The following FMN1 variants were observed in gnomAD, a reference collection of about 807,000 sequenced individuals.
FMN1 encodes formin-1.
A neutral mutation model predicts 132.4 loss-of-function variants in FMN1; 110 were observed. That is an observed-to-expected ratio of 0.83 (90% confidence interval 0.71 to 0.97). The LOEUF (loss-of-function observed/expected upper bound fraction) is 0.97, where lower values mean the gene tolerates loss of function less well. FMN1 is among the 50% of genes least tolerant of loss of function. The pLI, the probability that FMN1 is intolerant of heterozygous loss-of-function variation, is 0.00. For missense variants in FMN1, 1,792 were observed against 1,705.3 expected, an observed-to-expected ratio of 1.05 and a Z score of -0.90; for synonymous variants, 722 against 651.7, an observed-to-expected ratio of 1.11 and a Z score of -1.64.
intron 9 of FMN1, among the ~76,000 whole-genome samples, chr15:32,961,208 A>G (rs2030498376): frequency 1.3e-5 from 2 of 149,754 alleles, no homozygotes; most frequent in African/African-American, 4.9e-5. Flanking sequence ...ATCTCAGCTC[A>G]CTGCAACCTC....
chr15:33,154,874 A>C lies in FMN1; in HGVS notation c.41T>G (p.Ile14Ser), dbSNP rs1964609442. 6.5e-7 allele frequency: 1 copy of C among 1,536,050 alleles called. No homozygotes were observed. Residue 14 changes from isoleucine to serine, a missense_variant, in exon 4 of 21, where the codon ATT becomes AGT. This residue lies in a region of FMN1 where 638 missense variants were observed against 645.2 expected (regional missense o/e 0.99). Coordinates refer to ENST00000616417, the MANE Select transcript of FMN1 (RefSeq NM_001277313.2). ...GAAGCTGATGTAGCAGAGTTCCGTA[A>C]TGGGCTTATGCAATTGGAGGGTACA... is the stretch of plus-strand genomic sequence containing the variant. The part of the protein sequence containing the change: ...THCTLQLHKP[I>S]TELCYISFCL...
intron 19 of FMN1, among the ~76,000 whole-genome samples, chr15:32,781,174 TTCTTCAAAAAA>T (rs1452379251): frequency 6.6e-6 from 1 of 152,228 alleles, no homozygotes; most frequent in Non-Finnish European, 1.5e-5. Flanking sequence ...TTTTTAAAAT[TTCTTCAAAAAA>T]TCTTCAAAAT....
At chr15:33,081,756 T>C (rs1476267113) in intron 5 of FMN1, among the ~76,000 whole-genome samples, 3 of 152,206 alleles carry the variant, frequency 2.0e-5, no homozygotes, top group African/African-American at 4.8e-5. Flanking sequence ...TTGTACAGTA[T>C]GTATACTAAC....
chr15:33,153,715 G>A lies in FMN1; in HGVS notation c.1200C>T (p.Ala400=), dbSNP rs1001386062. Residue 400 remains alanine, a synonymous_variant, in exon 4 of 21, where the codon GCC becomes GCT. Coordinates refer to ENST00000616417, the MANE Select transcript of FMN1 (RefSeq NM_001277313.2). ...CACTAGAAATGGAGGCTGTTTCCCC[G>A]GCTGGCGACTGCGATGACCTATCCC... ...RQGDRSSQSP[A]GETASISSVS... 9.8e-6 allele frequency: 15 copies of A among 1,536,118 alleles called. No individual in the cohort carries two copies. The highest frequency in any genetic ancestry group is 3.3e-4 in the Middle Eastern group (2 of 6,014).
intron 4 of FMN1, among the ~76,000 whole-genome samples, chr15:33,115,496 C>A (rs140674936): frequency 0.34 from 48,046 of 141,620 alleles, 9,037 homozygotes; most frequent in South Asian, 0.44. Context: ...CTTAAGCCCC[C>A]CCCCCCCACA....
chr15:33,124,186 G>A (rs1962832735), intron 4 of FMN1, among the ~76,000 whole-genome samples: 1 of 152,314 alleles, frequency 6.6e-6, no homozygotes, highest in South Asian at 2.1e-4. Flanking sequence ...TGCAAAGGGT[G>A]AGACGTGGCT....
intron 7 of FMN1, among the ~76,000 whole-genome samples, chr15:32,971,979 T>C (rs2031830776): frequency 6.6e-6 from 1 of 152,210 alleles, no homozygotes; most frequent in Non-Finnish European, 1.5e-5. Context: ...ATTTGTTTAG[T>C]GTAGTGGGCA....
At chr15:33,078,712 G>A (rs2038325241) in intron 5 of FMN1, among the ~76,000 whole-genome samples, 1 of 151,438 alleles carries the variant, frequency 6.6e-6, no homozygotes, top group Admixed American at 6.6e-5. Flanking sequence ...TTCACAAACA[G>A]TCAGTATGCA....
chr15:33,167,598 T>C (rs1478641145), intron 3 of FMN1, among the ~76,000 whole-genome samples: 1 of 152,192 alleles, frequency 6.6e-6, no homozygotes, highest in Non-Finnish European at 1.5e-5. Flanking sequence ...GCCTGCACAG[T>C]CAAAAATGTA....
At chr15:32,876,768 T>C (rs892941236) in intron 16 of FMN1, among the ~76,000 whole-genome samples, 2 of 152,242 alleles carry the variant, frequency 1.3e-5, no homozygotes, top group African/African-American at 2.4e-5. Flanking sequence ...ACAGATGCTG[T>C]CATTATGGAG....
At chr15:32,908,321 C>T in intron 12 of FMN1, 169 bp downstream of exon 12, 2 of 559,696 alleles carry the variant, frequency 3.6e-6, no homozygotes, top group Admixed American at 6.0e-5. Context: ...CTCAGCGCTG[C>T]TTTTCCCGGC....
chr15:33,089,890 T>C (rs1200871396), intron 4 of FMN1, among the ~76,000 whole-genome samples: 1 of 152,212 alleles, frequency 6.6e-6, no homozygotes, highest in Non-Finnish European at 1.5e-5. Flanking sequence ...CTACATACTG[T>C]ATCTCTTAAA....
chr15:33,054,552 T>C (rs1182485461), intron 6 of FMN1, among the ~76,000 whole-genome samples: 5 of 152,210 alleles, frequency 3.3e-5, no homozygotes, highest in Non-Finnish European at 7.3e-5. Flanking sequence ...TCTATACTAT[T>C]TCATACTGAG....
intron 7 of FMN1, among the ~76,000 whole-genome samples, chr15:32,992,690 G>GT (rs1355122510): frequency 9.9e-5 from 15 of 152,116 alleles, no homozygotes; most frequent in Admixed American, 9.8e-4. Flanking sequence ...TTTCCTGTGT[G>GT]TATGTGCAAT....
chr15:32,855,287 T>C (rs1033041135), intron 17 of FMN1, among the ~76,000 whole-genome samples: 2 of 151,984 alleles, frequency 1.3e-5, no homozygotes, highest in Non-Finnish European at 2.9e-5. Context: ...TCCTAAGTGA[T>C]TCTAGTATGC....
intron 6 of FMN1, among the ~76,000 whole-genome samples, chr15:33,060,786 C>T (rs1432083589): frequency 6.6e-6 from 1 of 152,204 alleles, no homozygotes; most frequent in Non-Finnish European, 1.5e-5. Flanking sequence ...ACTCAGAAAG[C>T]ACGAGTGTTT....
rs1297255489 is a variant in FMN1, at chr15:32,968,881, T to G, written c.2820A>C (p.Gly940=). ...GGGGTGGTGGAGCAGGAGGAGGCCC[T>G]CCAGGGTTGGGTGGGGCAGGGGAGT... The part of the protein sequence containing the change: ...LPNSPAPPNP[G]GPPPAPPPPG... Residue 940 remains glycine (G), a synonymous_variant, in exon 8 of 21, where the codon GGA becomes GGC. Transcript: ENST00000616417. The G allele has an allele frequency of 2.9e-6, 2 of 699,376 alleles. No individual in the cohort carries two copies. Among genetic ancestry groups the G allele is most frequent in the Admixed American group, 3.2e-5 (1 of 31,268 alleles). 43.3% of individuals were successfully genotyped at this position (699,376 alleles called of 1,614,324 possible).
intron 3 of FMN1, among the ~76,000 whole-genome samples, chr15:33,169,733 T>TC (rs1965242030): frequency 1.4e-5 from 2 of 148,092 alleles, no homozygotes; most frequent in South Asian, 2.1e-4. Context: ...CTTTTTTTTT[T>TC]CTTTTCCTTT....
chr15:32,855,559 T>C (rs2059112266), intron 17 of FMN1, among the ~76,000 whole-genome samples: 1 of 152,222 alleles, frequency 6.6e-6, no homozygotes, highest in Admixed American at 6.5e-5. Context: ...ACAAAAAGAA[T>C]AAAATTCACA....
Sources: gnomAD v4.1 joint callset for allele counts (sites outside exome capture counted in the v4.1 genomes callset) on GRCh38, gnomAD v4.1.1 for gene constraint, gnomAD v4.1.1 regional missense constraint, MANE v1.5 for transcripts, NCBI Gene and HGNC (gene_info 2026-07-23, HGNC 2026-07-21) for gene names.